The following LRMDA variants were observed in gnomAD, a reference collection of about 807,000 sequenced individuals.
The protein encoded by LRMDA is leucine rich melanocyte differentiation associated, also known as leucine-rich melanocyte differentiation-associated protein.
A neutral mutation model predicts 29.8 loss-of-function variants in LRMDA; 18 were observed. The ratio of observed to expected loss-of-function variants is 0.60; its 90% CI spans 0.42 to 0.90. The LOEUF is 0.90. Ranked by LOEUF, LRMDA falls within the 40% of genes least tolerant of loss-of-function variation. The pLI is 0.00. For missense variants in LRMDA, 273 were observed against 273.9 expected (o/e 1.00, Z 0.02); for synonymous variants, 125 against 109.4 (o/e 1.14, Z -0.89).
At chr10:76,468,037 C>A (rs1419542855) in intron 6 of LRMDA, among the ~76,000 whole-genome samples, 1 of 152,156 alleles carries the variant, frequency 6.6e-6, no homozygotes, top group Non-Finnish European at 1.5e-5. Flanking sequence ...TCTCCAAAAT[C>A]CAATTACTAG....
chr10:75,475,154 T>C (rs1844774617), intron 2 of LRMDA, among the ~76,000 whole-genome samples: 1 of 152,188 alleles, frequency 6.6e-6, no homozygotes, highest in African/African-American at 2.4e-5. Flanking sequence ...GGCCTGATGC[T>C]GCACCCCTGG....
At chr10:76,494,789 G>T (rs558162799) in intron 6 of LRMDA, among the ~76,000 whole-genome samples, 1 of 151,792 alleles carries the variant, frequency 6.6e-6, no homozygotes, top group South Asian at 2.1e-4. Flanking sequence ...CACAATTTTG[G>T]TATGTTGTAT....
intron 2 of LRMDA, among the ~76,000 whole-genome samples, chr10:75,498,649 A>C (rs895450845): frequency 6.6e-6 from 1 of 152,116 alleles, no homozygotes; most frequent in African/African-American, 2.4e-5. Context: ...GGATTAAGGG[A>C]TTGATTTATG....
intron 2 of LRMDA, among the ~76,000 whole-genome samples, chr10:75,684,038 T>G (rs1242417510): frequency 1.3e-5 from 2 of 152,238 alleles, no homozygotes; most frequent in Non-Finnish European, 2.9e-5. Context: ...CTTTGGAGAT[T>G]AGCTCTGTTA....
At chr10:76,099,866 G>C (rs1439272732) in intron 5 of LRMDA, among the ~76,000 whole-genome samples, 1 of 152,084 alleles carries the variant, frequency 6.6e-6, no homozygotes, top group African/African-American at 2.4e-5. Flanking sequence ...AATACTGTCT[G>C]TTTTAGTGAC....
chr10:75,880,979 G>A (rs1564595355), intron 2 of LRMDA, among the ~76,000 whole-genome samples: 1 of 152,122 alleles, frequency 6.6e-6, no homozygotes, highest in Non-Finnish European at 1.5e-5. Context: ...CTGTTTGGGA[G>A]GAATGATACT....
intron 2 of LRMDA, among the ~76,000 whole-genome samples, chr10:75,513,350 C>G (rs1845249945): frequency 6.6e-6 from 1 of 152,192 alleles, no homozygotes; most frequent in African/African-American, 2.4e-5. Context: ...GCACAGATGT[C>G]ACATTTTTGT....
chr10:75,526,755 A>T (rs1381429720), intron 2 of LRMDA, among the ~76,000 whole-genome samples: 2 of 151,874 alleles, frequency 1.3e-5, no homozygotes, highest in Non-Finnish European at 2.9e-5. Flanking sequence ...ACTCTGGTGG[A>T]GACTAAAGCA....
chr10:75,446,069 T>C (rs1054431562), intron 2 of LRMDA, among the ~76,000 whole-genome samples: 2 of 152,214 alleles, frequency 1.3e-5, no homozygotes, highest in African/African-American at 4.8e-5. Context: ...GGCAGACACC[T>C]GGAATACTGT....
At chr10:76,013,138 A>T (rs879711639) in intron 2 of LRMDA, among the ~76,000 whole-genome samples, 4 of 152,142 alleles carry the variant, frequency 2.6e-5, no homozygotes, top group African/African-American at 9.7e-5. Flanking sequence ...AAGATCAAAG[A>T]TTGCTAGGCT....
intron 6 of LRMDA, among the ~76,000 whole-genome samples, chr10:76,353,753 C>T (rs1841206953): frequency 6.6e-6 from 1 of 152,156 alleles, no homozygotes; most frequent in Non-Finnish European, 1.5e-5. Context: ...ATTCCAGGTG[C>T]TGGCCATTTG....
chr10:75,692,219 A>AATATATAT (rs57600678), intron 2 of LRMDA, among the ~76,000 whole-genome samples: 1 of 87,546 alleles, frequency 1.1e-5, no homozygotes, highest in African/African-American at 5.5e-5. Flanking sequence ...AAAAAAAAAA[A>AATATATAT]ATATATATAT....
intron 6 of LRMDA, among the ~76,000 whole-genome samples, chr10:76,362,660 T>C (rs1841326152): frequency 6.6e-6 from 1 of 152,128 alleles, no homozygotes; most frequent in South Asian, 2.1e-4. Context: ...ATATTGAACA[T>C]TGCACCCAAA....
chr10:76,121,257 G>T (rs1849780708), intron 5 of LRMDA, among the ~76,000 whole-genome samples: 1 of 151,902 alleles, frequency 6.6e-6, no homozygotes, highest in African/African-American at 2.4e-5. Flanking sequence ...GGAGAAAGGA[G>T]TCCTCTAATT....
At chr10:76,534,055 C>G (rs1843265756) in intron 6 of LRMDA, among the ~76,000 whole-genome samples, 1 of 152,170 alleles carries the variant, frequency 6.6e-6, no homozygotes. Context: ...AGATCCTGTG[C>G]TTTGCCCCAC....
intron 5 of LRMDA, among the ~76,000 whole-genome samples, chr10:76,315,173 A>G (rs1276286520): frequency 6.6e-6 from 1 of 152,194 alleles, no homozygotes; most frequent in Non-Finnish European, 1.5e-5. Flanking sequence ...TTACCTATAA[A>G]GTGGTAATGT....
At chr10:75,467,223 G>T (rs901697165) in intron 2 of LRMDA, among the ~76,000 whole-genome samples, 2 of 152,210 alleles carry the variant, frequency 1.3e-5, no homozygotes, top group African/African-American at 4.8e-5. Context: ...CCGTTCAGGA[G>T]GCTGAGGAGG....
At chr10:75,602,785 C>A (rs1268880540) in intron 2 of LRMDA, among the ~76,000 whole-genome samples, 1 of 152,046 alleles carries the variant, frequency 6.6e-6, no homozygotes, top group Non-Finnish European at 1.5e-5. Flanking sequence ...GTCATTACAA[C>A]TTTATATATT....
chr10:75,434,864 CT>C (rs1192140042), intron 1 of LRMDA, among the ~76,000 whole-genome samples: 1 of 152,236 alleles, frequency 6.6e-6, no homozygotes, highest in Non-Finnish European at 1.5e-5. Context: ...CAGAAATGCC[CT>C]GGGAGCCAGA....
Sources: gnomAD v4.1 joint callset for allele counts (sites outside exome capture counted in the v4.1 genomes callset) on GRCh38, gnomAD v4.1.1 for gene constraint, MANE v1.5 for transcripts, NCBI Gene and HGNC (gene_info 2026-07-23, HGNC 2026-07-21) for gene names.